Variants in SPTB observed in about 807,000 individuals in gnomAD.
SPTB encodes spectrin beta chain, erythrocytic.
A neutral mutation model predicts 256.2 loss-of-function variants in SPTB; 45 were observed. The observed-to-expected ratio is 0.18, with a 90% CI of 0.14 to 0.23. The LOEUF (loss-of-function observed/expected upper bound fraction) is 0.23, where lower values mean the gene tolerates loss of function less well. SPTB is among the 10% of genes least tolerant of loss of function. SPTB has a pLI of 1.00. For missense variants in SPTB, 2,715 were observed against 3,040.4 expected (o/e 0.89, Z 2.52); for synonymous variants, 1,231 against 1,243.1 (o/e 0.99, Z 0.21).
At chr14:64,813,331 TAGG>T (rs1402730350) in intron 2 of SPTB, among the ~76,000 whole-genome samples, 2 of 152,132 alleles carry the variant, frequency 1.3e-5, no homozygotes, top group African/African-American at 4.8e-5. Context: ...CAGGTAAAAC[TAGG>T]AGGTCAGAAA....
intron 15 of SPTB, among the ~76,000 whole-genome samples, chr14:64,787,868 G>T (rs2082601490): frequency 6.6e-6 from 1 of 152,224 alleles, no homozygotes. Context: ...CATCAGCCAG[G>T]CCAGACCACT....
At chr14:64,781,546 AT>A (rs1202007985) in intron 20 of SPTB, among the ~76,000 whole-genome samples, 1 of 152,260 alleles carries the variant, frequency 6.6e-6, no homozygotes, top group African/African-American at 2.4e-5. Context: ...AATGGCTATT[AT>A]TAAAAAGTCA....
At position 64,866,879 on chromosome 14, in the gene SPTB, T is replaced by C. The variant is rs7145280; in HGVS notation, c.-52+12913A>G. Among the ~76,000 whole-genome samples the C allele has an allele frequency of 0.031, 4,696 of 152,280 alleles. 238 individuals carry two copies. The highest frequency in any genetic ancestry group is 0.11 in the African/African-American group (4,404 of 41,518). On this transcript the variant is annotated intron_variant, in intron 1 of 35. Coordinates refer to ENST00000644917, the MANE Select transcript of SPTB (RefSeq NM_001355436.2). The surrounding 1 kb of genome is among the most constrained non-coding windows in gnomAD (Gnocchi z 4.6). ...ACAGGAATTTTCAGTCTTTTTTTTCTGAAGTGCTTTTCTTAACTCTTTATT... is the reference window on the plus strand; with the variant it reads ...ACAGGAATTTTCAGTCTTTTTTTTCCGAAGTGCTTTTCTTAACTCTTTATT...
chr14:64,860,095 T>C (rs1027514177), intron 1 of SPTB, among the ~76,000 whole-genome samples: 17 of 152,284 alleles, frequency 1.1e-4, no homozygotes, highest in African/African-American at 4.1e-4. Context: ...GCTTCTGACC[T>C]TCCCAAAAAT....
intron 1 of SPTB, among the ~76,000 whole-genome samples, chr14:64,867,174 C>T (rs1199317586): frequency 6.6e-6 from 1 of 152,216 alleles, no homozygotes; most frequent in Non-Finnish European, 1.5e-5. Context: ...CTCTTCCCTC[C>T]TCACCTCCGT....
intron 3 of SPTB, among the ~76,000 whole-genome samples, chr14:64,804,076 T>C (rs2082938747): frequency 6.6e-6 from 1 of 152,224 alleles, no homozygotes; most frequent in Admixed American, 6.5e-5. Flanking sequence ...TAACATATGG[T>C]TAATTGATCC....
intron 33 of SPTB, 146 bp from the exon 34 acceptor site, chr14:64,750,300 G>T (rs1363621759): frequency 1.2e-6 from 1 of 834,718 alleles, no homozygotes; most frequent in Non-Finnish European, 1.8e-6. Flanking sequence ...TCATCTGCAT[G>T]TAATTTCATT....
At chr14:64,750,459 G>A (rs1462678135) in intron 33 of SPTB, among the ~76,000 whole-genome samples, 1 of 151,838 alleles carries the variant, frequency 6.6e-6, no homozygotes, top group Non-Finnish European at 1.5e-5. Flanking sequence ...ACTAAATCAT[G>A]AGTATTTCTC....
At chr14:64,828,025 C>T (rs1205758311) in intron 1 of SPTB, among the ~76,000 whole-genome samples, 3 of 152,216 alleles carry the variant, frequency 2.0e-5, no homozygotes, top group Non-Finnish European at 4.4e-5. Context: ...CAGCTCCCAT[C>T]CCAACCAAGT....
At chr14:64,798,679 G>A (rs1397775805) in intron 9 of SPTB, among the ~76,000 whole-genome samples, 1 of 152,208 alleles carries the variant, frequency 6.6e-6, no homozygotes, top group Non-Finnish European at 1.5e-5. Flanking sequence ...TGTGTGCAGT[G>A]ACTGGTAGAC....
chr14:64,800,154 C>T (rs563753711), intron 8 of SPTB, among the ~76,000 whole-genome samples: 29 of 152,336 alleles, frequency 1.9e-4, no homozygotes, highest in African/African-American at 6.7e-4. Context: ...CGGCAGCGAG[C>T]TGGCCTGTTA....
At chr14:64,854,106 C>T (rs563124059) in intron 1 of SPTB, among the ~76,000 whole-genome samples, 13 of 151,538 alleles carry the variant, frequency 8.6e-5, no homozygotes, top group Middle Eastern at 3.4e-3. Flanking sequence ...GCAGAAGAAT[C>T]ACTTGAACCC....
At chr14:64,876,132 T>A (rs1321528303) in intron 1 of SPTB, among the ~76,000 whole-genome samples, 3 of 151,692 alleles carry the variant, frequency 2.0e-5, no homozygotes, top group African/African-American at 7.3e-5. Context: ...ACCTGGCTTT[T>A]TTATATCAAT....
In SPTB at chr14:64,766,762, T is replaced by C. The variant is rs1367368764; in HGVS notation, c.6309A>G (p.Pro2103=). The C allele has an allele frequency of 6.4e-7, 1 of 1,562,790 alleles. No homozygotes were observed. The highest frequency in any genetic ancestry group is 1.8e-5 in the Admixed American group (1 of 55,674). ...EEEGETAGEA[P]VSHHAATERT... ...TCTCGGTGGCCGCATGGTGGGAAAC[T>C]GGAGCCTCCCCTGCTGTCTCGCCTT... Residue 2103 remains proline, a synonymous_variant, in exon 32 of 36, where the codon CCA becomes CCG. Transcript: ENST00000644917.
At position 64,823,134 on chromosome 14, in the gene SPTB, A is replaced by G; in HGVS notation, c.-40T>C. On this transcript the variant is annotated 5_prime_UTR_variant, in exon 2 of 36. It removes an upstream start codon present in the reference 5' UTR. Transcript: ENST00000644917. The surrounding 1 kb of genome is among the most constrained non-coding windows in gnomAD (Gnocchi z 6.5). Reference sequence around the variant, plus strand: ...AGCAGCTCCGCCTGCCTCAGTCTTCATGGAAGGATCCCTGGGGGACAGCAA... The same window carrying G: ...AGCAGCTCCGCCTGCCTCAGTCTTCGTGGAAGGATCCCTGGGGGACAGCAA... 1.2e-6 allele frequency: 2 copies of G among 1,613,604 alleles called. No individual in the cohort carries two copies. The highest frequency in any genetic ancestry group is 1.7e-6 in the Non-Finnish European group (2 of 1,179,640).
intron 19 of SPTB, 72 bp downstream of exon 19, chr14:64,784,175 C>A: frequency 2.5e-6 from 4 of 1,605,592 alleles, no homozygotes; most frequent in East Asian, 4.5e-5. Context: ...AGGGTCCACA[C>A]CCTGGGTGAA....
intron 1 of SPTB, among the ~76,000 whole-genome samples, chr14:64,838,078 T>C (rs2083553320): frequency 6.6e-6 from 1 of 152,202 alleles, no homozygotes; most frequent in African/African-American, 2.4e-5. Flanking sequence ...TAGACATATA[T>C]ATCAACGGAA....
chr14:64,766,875 T>C, intron 31 of SPTB, 74 bp from the exon 32 acceptor site: 2 of 1,574,190 alleles, frequency 1.3e-6, no homozygotes, highest in Non-Finnish European at 8.6e-7. Flanking sequence ...GCCTGGCTTT[T>C]CACCTGCGCC....
rs368312033 is a variant in SPTB at position 64,821,827 on chromosome 14, G to A, written c.148+1120C>T. Reference sequence around the variant, plus strand: ...TGAGACACCGCAGCATTCCTTTCCCGGCATGAGAAGCCCAGACACTCCCAA... The same window carrying A: ...TGAGACACCGCAGCATTCCTTTCCCAGCATGAGAAGCCCAGACACTCCCAA... On this transcript the variant is annotated intron_variant, in intron 2 of 35. Transcript: ENST00000644917. 3.5e-3 allele frequency among the ~76,000 whole-genome samples: 532 copies of A among 152,168 alleles called. 4 individuals carry two copies. Among genetic ancestry groups the A allele is most frequent in the South Asian group, 0.019 (90 of 4,808 alleles).
Sources: gnomAD v4.1 joint callset for allele counts (sites outside exome capture counted in the v4.1 genomes callset) on GRCh38, gnomAD v4.1.1 for gene constraint, Gnocchi (gnomAD v3.1) non-coding constraint, MANE v1.5 for transcripts, NCBI Gene and HGNC (gene_info 2026-07-23, HGNC 2026-07-21) for gene names.